HIVEP3: variants seen among roughly 807,000 people sequenced by gnomAD.
HIVEP3 encodes HIVEP zinc finger 3.
Under a neutral mutation model 152.8 loss-of-function variants are expected in HIVEP3, and 49 were observed. That is an observed-to-expected ratio of 0.32 (90% confidence interval 0.26 to 0.41). The LOEUF is 0.41. Ranked by LOEUF, HIVEP3 falls within the 10% of genes least tolerant of loss-of-function variation. HIVEP3 has a pLI of 1.00. For synonymous variants in HIVEP3, 1,269 were observed against 1,289.0 expected, an observed-to-expected ratio of 0.98 and a Z score of 0.33; for missense variants, 2,790 against 3,103.3, an observed-to-expected ratio of 0.90 and a Z score of 2.40.
intron 3 of HIVEP3, among the ~76,000 whole-genome samples, chr1:41,598,771 A>G (rs915171809): frequency 6.6e-6 from 1 of 151,848 alleles, no homozygotes; most frequent in African/African-American, 2.4e-5. Flanking sequence ...AGAGTAGGGT[A>G]AGGAAACATA....
intron 2 of HIVEP3, among the ~76,000 whole-genome samples, chr1:41,648,527 A>G (rs1123483): frequency 0.72 from 109,527 of 152,180 alleles, 39,913 homozygotes; most frequent in East Asian, 0.98. Context: ...GATGATCAAT[A>G]GCAAATGCTA....
intron 1 of HIVEP3, among the ~76,000 whole-genome samples, chr1:42,006,519 T>G (rs1645460155): frequency 6.6e-6 from 1 of 151,630 alleles, no homozygotes; most frequent in African/African-American, 2.4e-5. Context: ...TCATTACATG[T>G]TAACATAAGT....
intron 1 of HIVEP3, among the ~76,000 whole-genome samples, chr1:41,891,924 G>T (rs1644453575): frequency 6.6e-6 from 1 of 152,220 alleles, no homozygotes. Context: ...GAGATTTTAA[G>T]GAGAAAGGCA....
chr1:41,593,314 G>T (rs1205627925), intron 3 of HIVEP3, among the ~76,000 whole-genome samples: 4 of 151,498 alleles, frequency 2.6e-5, no homozygotes, highest in South Asian at 2.1e-4. Context: ...TCTGCGACTT[G>T]TTTTTTTTCT....
chr1:41,935,830 C>T (rs1645017553), intron 1 of HIVEP3, among the ~76,000 whole-genome samples: 1 of 150,626 alleles, frequency 6.6e-6, no homozygotes, highest in South Asian at 2.1e-4. Context: ...TTTCTACCAT[C>T]TCTAATGAGG....
chr1:41,943,978 G>T (rs1174652076), intron 1 of HIVEP3, among the ~76,000 whole-genome samples: 1 of 152,164 alleles, frequency 6.6e-6, no homozygotes, highest in Non-Finnish European at 1.5e-5. Flanking sequence ...CTACACAGAT[G>T]AACCTTAAAG....
chr1:41,779,424 A>G (rs182829619), intron 1 of HIVEP3, among the ~76,000 whole-genome samples: 114 of 152,366 alleles, frequency 7.5e-4, no homozygotes, highest in African/African-American at 2.7e-3. Context: ...TTACATGTGC[A>G]AAGCACATAT....
chr1:41,834,820 T>C (rs527290031), intron 1 of HIVEP3, among the ~76,000 whole-genome samples: 1 of 152,142 alleles, frequency 6.6e-6, no homozygotes, highest in South Asian at 2.1e-4. Context: ...GAATGAAGTG[T>C]TGGGAACACT....
chr1:42,005,558 T>G (rs544698096), intron 1 of HIVEP3, among the ~76,000 whole-genome samples: 14 of 152,344 alleles, frequency 9.2e-5, no homozygotes, highest in Non-Finnish European at 1.9e-4. Flanking sequence ...GCTACCTTTA[T>G]AAACTGGAGA....
intron 2 of HIVEP3, among the ~76,000 whole-genome samples, chr1:41,631,704 C>T (rs1244803950): frequency 6.6e-6 from 1 of 152,126 alleles, no homozygotes; most frequent in Non-Finnish European, 1.5e-5. Flanking sequence ...TGCTCTGTGG[C>T]TCTATCAATC....
intron 1 of HIVEP3, among the ~76,000 whole-genome samples, chr1:41,767,062 C>A (rs1648058827): frequency 6.6e-6 from 1 of 152,190 alleles, no homozygotes; most frequent in African/African-American, 2.4e-5. Flanking sequence ...ACTTCCTCTG[C>A]CCCATCTGGG....
At position 41,583,830 on chromosome 1, in the gene HIVEP3, C is replaced by T. The variant is rs201803042; in HGVS notation, c.968G>A (p.Arg323His). The T allele has an allele frequency of 5.4e-5, 86 of 1,604,780 alleles. No homozygotes were observed. Among genetic ancestry groups the T allele is most frequent in the South Asian group, 9.0e-5 (8 of 89,356 alleles). Residue 323 changes from arginine (R) to histidine (H), a missense_variant, in exon 4 of 9, where the codon CGC (arginine) becomes CAC (histidine). Physicochemically the swap from Arg to His is conservative, Grantham distance 29. Around this residue, in one of 9 missense-constraint regions of HIVEP3, gnomAD observed 125 missense variants for 130.1 expected, o/e 0.96. Coordinates refer to ENST00000372583, the MANE Select transcript of HIVEP3 (RefSeq NM_024503.5). The surrounding 1 kb of genome is among the most constrained non-coding windows in gnomAD (Gnocchi z 6.9). ...TGTGCTGGACTGGGACAGGGAACAG[C>T]GTTCGTGGCTGGAACTGTGGCTCCC... Reference protein sequence around the residue: ...SSGSHSSSHERCSLSQSSTAQ... With the variant: ...SSGSHSSSHEHCSLSQSSTAQ...
rs535145053 is a variant in HIVEP3 at position 41,557,247 on chromosome 1, C to T, written c.5207+18297G>A. ...ATGTGCTAGGTATTAGGGACCAAGA[C>T]CAATCCGCTCTGGTCCCTGCCTTTA... On this transcript the variant is annotated intron_variant, in intron 5 of 8. Transcript: ENST00000372583. Among the ~76,000 whole-genome samples, 7 of 152,322 alleles carry T rather than the reference C, an allele frequency of 4.6e-5. No individual in the cohort carries two copies. In the East Asian group the frequency reaches 1.3e-3, roughly 29 times the overall value.
rs532253412 is a variant in HIVEP3 at position 41,547,454 on chromosome 1, A to AGG, written c.5208-22546_5208-22545dup. Among the ~76,000 whole-genome samples, 186 of 152,182 alleles carry AGG rather than the reference A, an allele frequency of 1.2e-3. 1 individual carries two copies. Among genetic ancestry groups the AGG allele is most frequent in the South Asian group, 3.1e-3 (15 of 4,826 alleles). On this transcript the variant is annotated intron_variant, in intron 5 of 8. Coordinates refer to ENST00000372583, the MANE Select transcript of HIVEP3 (RefSeq NM_024503.5). ...CTGGCCTGGGCTTTGAAGATGAAGA[A>AGG]GGGGAAATGGCCCTGCAGGTGGAGG...
intron 1 of HIVEP3, among the ~76,000 whole-genome samples, chr1:41,777,634 G>A (rs932384523): frequency 2.6e-5 from 4 of 152,242 alleles, no homozygotes; most frequent in African/African-American, 9.6e-5. Flanking sequence ...CGTGTGTGCA[G>A]AGGAAAGAGC....
intron 1 of HIVEP3, among the ~76,000 whole-genome samples, chr1:41,788,614 C>T (rs1558270220): frequency 6.6e-6 from 1 of 152,272 alleles, no homozygotes; most frequent in Non-Finnish European, 1.5e-5. Context: ...GCACAGGCAT[C>T]CTGCTAGCAG....
At chr1:41,893,171 A>C (rs12062910) in intron 1 of HIVEP3, among the ~76,000 whole-genome samples, 17,970 of 151,014 alleles carry the variant, frequency 0.12, 2,462 homozygotes, top group African/African-American at 0.34. Context: ...ACAGCTGAGA[A>C]GCCTCTGGCT....
chr1:41,704,232 C>T (rs535359338), intron 1 of HIVEP3, among the ~76,000 whole-genome samples: 23 of 152,336 alleles, frequency 1.5e-4, no homozygotes, highest in Non-Finnish European at 2.5e-4. Context: ...TCGCTTCCAC[C>T]GCTTTCTCCC....
chr1:41,890,614 G>T (rs948425481), intron 1 of HIVEP3, among the ~76,000 whole-genome samples: 1 of 152,232 alleles, frequency 6.6e-6, no homozygotes. Context: ...CAAATGAGGA[G>T]CCTGAGGCTC....
Sources: allele counts gnomAD v4.1 joint callset (sites outside exome capture counted in the v4.1 genomes callset), GRCh38; gene constraint gnomAD v4.1.1; regional missense constraint gnomAD v4.1.1; non-coding constraint Gnocchi (gnomAD v3.1); transcripts MANE v1.5; gene names NCBI Gene and HGNC (gene_info 2026-07-23, HGNC 2026-07-21).